Variants in STARD13 observed in about 807,000 individuals in gnomAD.
STARD13 encodes StAR related lipid transfer domain containing 13, also known as stAR-related lipid transfer protein 13.
In STARD13, 62 loss-of-function variants were observed where a neutral mutation model predicts 106.4. The ratio of observed to expected loss-of-function variants is 0.58; its 90% confidence interval spans 0.48 to 0.72. The LOEUF (loss-of-function observed/expected upper bound fraction) is 0.72, where lower values mean the gene tolerates loss of function less well. STARD13 is among the 30% of genes least tolerant of loss of function. The probability of loss-of-function intolerance (pLI) is 0.00; values close to 1 mark genes in which losing one functional copy is unlikely to be tolerated. For synonymous variants in STARD13, 565 were observed against 553.0 expected (o/e 1.02, Z -0.31); for missense variants, 1,387 against 1,424.0 (o/e 0.97, Z 0.42).
intron 1 of STARD13, among the ~76,000 whole-genome samples, chr13:33,343,365 A>G (rs1178335653): frequency 6.6e-6 from 1 of 151,658 alleles, no homozygotes; most frequent in Non-Finnish European, 1.5e-5. Flanking sequence ...GTTTGAGCCC[A>G]GGAGTTTGAG....
At chr13:33,307,431 T>C (rs1892952342) in intron 1 of STARD13, among the ~76,000 whole-genome samples, 1 of 152,126 alleles carries the variant, frequency 6.6e-6, no homozygotes, top group Non-Finnish European at 1.5e-5. Context: ...AAGGTTACAA[T>C]GGATAAAGAA....
the STARD13 span, among the ~76,000 whole-genome samples, chr13:33,580,022 CA>C: frequency 6.6e-6 from 1 of 152,066 alleles, no homozygotes; most frequent in Non-Finnish European, 1.5e-5. Context: ...CATAACTAAA[CA>C]TACTCTTAAT....
At chr13:33,519,207 TTTTTCTTTCTTTCTTTC>T in the STARD13 span, among the ~76,000 whole-genome samples, 441 of 88,578 alleles carry the variant, frequency 5.0e-3, 2 homozygotes, top group South Asian at 0.014. Context: ...TCTTGGTAAT[TTTTTCTTTCTTTCTTTC>T]TTTCTTTCTT....
At chr13:33,250,795 G>C (rs147025991) in intron 1 of STARD13, among the ~76,000 whole-genome samples, 121 of 152,298 alleles carry the variant, frequency 7.9e-4, no homozygotes, top group African/African-American at 2.7e-3. Context: ...CAGATGTCTT[G>C]CCCCTCCTCC....
intron 1 of STARD13, among the ~76,000 whole-genome samples, chr13:33,303,328 C>T (rs1231472504): frequency 6.6e-6 from 1 of 152,200 alleles, no homozygotes; most frequent in Non-Finnish European, 1.5e-5. Context: ...GTGTCTCCCT[C>T]AGAGAGGCAG....
At chr13:33,260,815 T>C (rs951646345) in intron 1 of STARD13, among the ~76,000 whole-genome samples, 1 of 152,222 alleles carries the variant, frequency 6.6e-6, no homozygotes, top group Middle Eastern at 3.2e-3. Flanking sequence ...AGGATTTTTT[T>C]CCCTTGAAAA....
intron 4 of STARD13, among the ~76,000 whole-genome samples, chr13:33,139,603 G>A (rs989903868): frequency 1.3e-5 from 2 of 152,098 alleles, no homozygotes; most frequent in Non-Finnish European, 2.9e-5. Flanking sequence ...GCTTAACATG[G>A]GGACTTACCT....
chr13:33,177,777 A>G (rs1312565336), intron 1 of STARD13, among the ~76,000 whole-genome samples: 1 of 42,548 alleles, frequency 2.4e-5, no homozygotes, highest in Non-Finnish European at 4.4e-5. Flanking sequence ...GAAAGGAAGG[A>G]AGGAAGGAAG....
At chr13:33,452,223 A>G in the STARD13 span, among the ~76,000 whole-genome samples, 2 of 152,036 alleles carry the variant, frequency 1.3e-5, no homozygotes, top group African/African-American at 4.8e-5. Flanking sequence ...GGTGTGGATA[A>G]TGACAGTCTG....
the STARD13 span, among the ~76,000 whole-genome samples, chr13:33,466,439 C>T: frequency 0.3 from 46,309 of 152,046 alleles, 7,742 homozygotes; most frequent in Non-Finnish European, 0.39. Flanking sequence ...CAATATTCTC[C>T]CTCAGCCCCC....
At chr13:33,545,208 C>T in the STARD13 span, among the ~76,000 whole-genome samples, 1 of 152,168 alleles carries the variant, frequency 6.6e-6, no homozygotes, top group South Asian at 2.1e-4. Flanking sequence ...GATCCACCCG[C>T]CTTGGCCTCT....
chr13:33,538,771 ATTTT>A, the STARD13 span, among the ~76,000 whole-genome samples: 1 of 143,124 alleles, frequency 7.0e-6, no homozygotes, highest in Non-Finnish European at 1.5e-5. Context: ...AAACTATTTA[ATTTT>A]TTTTTTTTTT....
the STARD13 span, among the ~76,000 whole-genome samples, chr13:33,622,025 G>A: frequency 3.3e-5 from 5 of 151,744 alleles, no homozygotes; most frequent in South Asian, 2.1e-4. Context: ...GGCTGGTCAC[G>A]AACTCCTGAC....
chr13:33,330,619 G>T (rs1217616335), intron 1 of STARD13, among the ~76,000 whole-genome samples: 2 of 152,118 alleles, frequency 1.3e-5, no homozygotes, highest in Non-Finnish European at 2.9e-5. Context: ...TTTCAAGAGG[G>T]TGCTTCTAAA....
chr13:33,370,335 T>TG, the STARD13 span, among the ~76,000 whole-genome samples: 4 of 152,198 alleles, frequency 2.6e-5, no homozygotes, highest in African/African-American at 9.6e-5. Context: ...TTGATATTTA[T>TG]GGGCCACTTT....
chr13:33,555,225 A>G, the STARD13 span, among the ~76,000 whole-genome samples: 1 of 152,188 alleles, frequency 6.6e-6, no homozygotes, highest in Non-Finnish European at 1.5e-5. Flanking sequence ...CACATCAGAG[A>G]CCTTAAGCCT....
intron 11 of STARD13, among the ~76,000 whole-genome samples, chr13:33,110,366 C>T (rs1874354000): frequency 2.6e-5 from 4 of 152,194 alleles, no homozygotes; most frequent in Admixed American, 2.0e-4. Context: ...GTAAATTAGC[C>T]TTCCTCCGAC....
chr13:33,419,493 T>C, the STARD13 span, among the ~76,000 whole-genome samples: 222 of 151,460 alleles, frequency 1.5e-3, 1 homozygote, highest in African/African-American at 3.9e-3. Flanking sequence ...CTACATTTGA[T>C]TGGTGATGGG....
intron 1 of STARD13, among the ~76,000 whole-genome samples, chr13:33,230,998 G>T (rs1888890673): frequency 6.6e-6 from 1 of 152,236 alleles, no homozygotes; most frequent in Non-Finnish European, 1.5e-5. Context: ...TCCAACTGGA[G>T]AGATTGGGAC....
Sources: allele counts gnomAD v4.1 joint callset (sites outside exome capture counted in the v4.1 genomes callset), GRCh38; gene constraint gnomAD v4.1.1; transcripts MANE v1.5; gene names NCBI Gene and HGNC (gene_info 2026-07-23, HGNC 2026-07-21).